Variants in CDC5L observed in about 807,000 individuals in gnomAD.
CDC5L encodes cell division cycle 5 like, also known as cell division cycle 5-like protein.
A neutral mutation model predicts 104.1 loss-of-function variants in CDC5L; 18 were observed. That is an observed-to-expected ratio of 0.17 (90% CI 0.12 to 0.26). The LOEUF (loss-of-function observed/expected upper bound fraction) is 0.26. Ranked by LOEUF, CDC5L falls within the 10% of genes least tolerant of loss-of-function variation. The probability of loss-of-function intolerance (pLI) is 1.00; values close to 1 mark genes in which losing one functional copy is unlikely to be tolerated. For synonymous variants in CDC5L, 331 were observed against 322.7 expected (o/e 1.03, Z -0.28); for missense variants, 673 against 956.9 (o/e 0.70, Z 3.91).
rs148274481 is a variant in CDC5L at position 44,391,271 on chromosome 6, C to T, written c.149+900C>T. Reference sequence around the variant, plus strand: ...TCTTTTTTATTTTTATTTTTTGGGACGGAGTCTTGCTCTGTCGCCCAGGCT... The same window carrying T: ...TCTTTTTTATTTTTATTTTTTGGGATGGAGTCTTGCTCTGTCGCCCAGGCT... On this transcript the variant is annotated intron_variant, in intron 2 of 15. Coordinates refer to ENST00000371477, the MANE Select transcript of CDC5L (RefSeq NM_001253.4). 6.7e-3 allele frequency among the ~76,000 whole-genome samples: 1,005 copies of T among 151,036 alleles called. 10 individuals are homozygous for T. The highest frequency in any genetic ancestry group is 0.023 in the African/African-American group (946 of 41,086).
At chr6:44,420,921 C>T (rs1035373545) in intron 9 of CDC5L, among the ~76,000 whole-genome samples, 3 of 152,164 alleles carry the variant, frequency 2.0e-5, no homozygotes, top group African/African-American at 7.2e-5. Context: ...GAACAGTTTG[C>T]GTAGACTCCT....
chr6:44,424,802 A>C (rs773415028), intron 11 of CDC5L, among the ~76,000 whole-genome samples: 8 of 152,204 alleles, frequency 5.3e-5, no homozygotes. Context: ...TATATATGGA[A>C]ATTTAAATAC....
At chr6:44,419,947 G>GTT (rs1469962760) in intron 9 of CDC5L, among the ~76,000 whole-genome samples, 1 of 152,034 alleles carries the variant, frequency 6.6e-6, no homozygotes, top group Non-Finnish European at 1.5e-5. Flanking sequence ...TAATTGGAGT[G>GTT]TTCTTTTGCA....
intron 8 of CDC5L, among the ~76,000 whole-genome samples, chr6:44,411,329 T>C (rs1006095773): frequency 6.6e-6 from 1 of 152,026 alleles, no homozygotes; most frequent in Non-Finnish European, 1.5e-5. Flanking sequence ...TTCTTTTGGG[T>C]CAGTGTTAGT....
chr6:44,429,625 A>G lies in CDC5L; in HGVS notation c.1894-88A>G. The G allele has an allele frequency of 5.3e-6, 6 of 1,132,854 alleles. No homozygotes were observed. The South Asian group carries it at 6.0e-5, about 11-fold the overall frequency. The allele number at this position is 1,132,854 out of a possible 1,614,324, so 70.2% of individuals were successfully genotyped here. ...CCACATCTTGGATTTGACTCAAGGC[A>G]TGAGGGAAAAAATTAGTCTTCTAAA... is the stretch of plus-strand genomic sequence containing the variant. On this transcript the variant is annotated intron_variant, in intron 13 of 15. Coordinates refer to ENST00000371477, the MANE Select transcript of CDC5L (RefSeq NM_001253.4).
At chr6:44,416,077 A>G (rs943508685) in intron 8 of CDC5L, among the ~76,000 whole-genome samples, 3 of 152,042 alleles carry the variant, frequency 2.0e-5, no homozygotes, top group Non-Finnish European at 4.4e-5. Context: ...GGGTAAGAGG[A>G]GTTTTGCTTC....
intron 14 of CDC5L, among the ~76,000 whole-genome samples, 175 bp downstream of exon 14, chr6:44,430,085 TTTTG>T (rs1288236194): frequency 6.6e-6 from 1 of 152,010 alleles, no homozygotes; most frequent in Non-Finnish European, 1.5e-5. Context: ...CATTGTTTTT[TTTTG>T]TTTGTTTTGT....
At chr6:44,392,601 C>CA in intron 2 of CDC5L, 66 bp from the exon 3 acceptor site, 2 of 1,374,424 alleles carry the variant, frequency 1.5e-6, no homozygotes, top group Non-Finnish European at 2.0e-6. Context: ...TCAGTGTATC[C>CA]ATTGTGCAAA....
In CDC5L at chr6:44,387,724, C is replaced by G. The variant is rs1790389960; in HGVS notation, c.-100C>G. 1.9e-6 allele frequency: 2 copies of G among 1,056,788 alleles called. No individual in the cohort carries two copies. The highest frequency in any genetic ancestry group is 4.0e-5 in the Admixed American group (2 of 49,660). 65.5% of individuals were successfully genotyped at this position (1,056,788 alleles called of 1,614,324 possible). On this transcript the variant is annotated 5_prime_UTR_variant, in exon 1 of 16. Transcript: ENST00000371477. ...CGCAGATCTTCAAAGCAGAAGGTCG[C>G]GCTTGGAGGAAGTGGCGGCTTTGAG...
intron 6 of CDC5L, among the ~76,000 whole-genome samples, chr6:44,405,207 AG>A (rs1791311092): frequency 6.6e-6 from 1 of 152,132 alleles, no homozygotes; most frequent in African/African-American, 2.4e-5. Flanking sequence ...ATGGTTGTCA[AG>A]GGTTTTTTAA....
rs143644570 is a variant in CDC5L, at chr6:44,396,867, G to A, written c.539+427G>A. 2.6e-5 allele frequency among the ~76,000 whole-genome samples: 4 copies of A among 152,310 alleles called. No homozygotes were observed. In the East Asian group the frequency reaches 5.8e-4, roughly 22 times the overall value. ...CAACGGCCCCATGAAGAGATACACA[G>A]GGTGAAGCCTGGAAGGGTCCTGAGT... On this transcript the variant is annotated intron_variant, in intron 5 of 15. Transcript: ENST00000371477.
chr6:44,426,040 G>C, intron 11 of CDC5L, 63 bp from the exon 12 acceptor site: 1 of 1,128,138 alleles, frequency 8.9e-7, no homozygotes, highest in South Asian at 1.5e-5. Flanking sequence ...AGTGTTTTTA[G>C]CTTTACTGAG....
chr6:44,429,015 C>CTTTTTTTTT (rs922435895), intron 13 of CDC5L, among the ~76,000 whole-genome samples: 7 of 95,612 alleles, frequency 7.3e-5, no homozygotes, highest in African/African-American at 1.4e-4. Flanking sequence ...GTTTCATTAG[C>CTTTTTTTTT]TTTTTTTTTT....
intron 4 of CDC5L, 103 bp from the exon 5 acceptor site, chr6:44,396,237 GT>G (rs1258016649): frequency 3.2e-6 from 2 of 627,016 alleles, no homozygotes; most frequent in Non-Finnish European, 5.4e-6. Context: ...GTATTTTTAT[GT>G]TTTTTTCTCA....
At position 44,420,211 on chromosome 6, in the gene CDC5L, G is replaced by T. The variant is rs567939367; in HGVS notation, c.1241+614G>T. Among the ~76,000 whole-genome samples the T allele has an allele frequency of 3.7e-4, 56 of 152,196 alleles. 1 individual carries two copies. Among genetic ancestry groups the T allele is most frequent in the Admixed American group, 2.5e-3 (39 of 15,296 alleles). On this transcript the variant is annotated intron_variant, in intron 9 of 15. Coordinates refer to ENST00000371477, the MANE Select transcript of CDC5L (RefSeq NM_001253.4). The stretch of plus-strand genomic sequence containing the variant: ...TAATGAAAAAGGAACCCTCATGCGC[G>T]TATGCCTATGACAGAAATTATTGCA...
At chr6:44,434,116 T>C (rs1792814624) in intron 14 of CDC5L, among the ~76,000 whole-genome samples, 1 of 152,210 alleles carries the variant, frequency 6.6e-6, no homozygotes, top group African/African-American at 2.4e-5. Flanking sequence ...CGTAGTTGTC[T>C]CTGGTAAGAA....
At chr6:44,430,016 T>C (rs1792604092) in intron 14 of CDC5L, 106 bp downstream of exon 14, 1 of 802,868 alleles carries the variant, frequency 1.2e-6, no homozygotes. Flanking sequence ...GAGGTGCTTA[T>C]TGCCTTTTTA....
Position 44,403,943 on chromosome 6 carries a change from A to G in CDC5L, c.674A>G (p.Tyr225Cys). 1 of 1,613,942 alleles carries G rather than the reference A, an allele frequency of 6.2e-7. No homozygotes were observed. The highest frequency in any genetic ancestry group is 1.3e-5 in the African/African-American group (1 of 75,030). ...GAAAAAAAGCCTGCCCTTGGTTTTT[A>G]TGATACTTCTGAGGAAAACTACCAA... ...PFEKKPALGFYDTSEENYQAL... is the reference protein window; with the variant it reads ...PFEKKPALGFCDTSEENYQAL... Residue 225 changes from tyrosine (Y) to cysteine (C), a missense_variant, in exon 6 of 16, where the codon TAT (tyrosine) becomes TGT (cysteine). Transcript: ENST00000371477.
chr6:44,414,382 CTGTGTGTG>C (rs58800666), intron 8 of CDC5L, among the ~76,000 whole-genome samples: 11,100 of 129,814 alleles, frequency 0.086, 543 homozygotes, highest in African/African-American at 0.11. Flanking sequence ...CTGGCCTGGC[CTGTGTGTG>C]TGTGTGTGTG....
Sources: gnomAD v4.1 joint callset for allele counts (sites outside exome capture counted in the v4.1 genomes callset) on GRCh38, gnomAD v4.1.1 for gene constraint, MANE v1.5 for transcripts, NCBI Gene and HGNC (gene_info 2026-07-23, HGNC 2026-07-21) for gene names.